CUL2: variants seen among roughly 807,000 people sequenced by gnomAD.
CUL2 encodes the protein cullin 2, also known as cullin-2.
Under a neutral mutation model 110.2 loss-of-function variants are expected in CUL2, and 22 were observed. That is an observed-to-expected ratio of 0.20 (90% CI 0.14 to 0.28). The LOEUF (loss-of-function observed/expected upper bound fraction) is 0.28. CUL2 is among the 10% of genes least tolerant of loss of function. The pLI is 1.00. For missense variants in CUL2, 631 were observed against 905.5 expected (o/e 0.70, Z 3.89); for synonymous variants, 279 against 293.2 (o/e 0.95, Z 0.49).
At chr10:35,105,320 G>A (rs1051285919) in intron 1 of CUL2, among the ~76,000 whole-genome samples, 1 of 151,896 alleles carries the variant, frequency 6.6e-6, no homozygotes, top group African/African-American at 2.4e-5. Context: ...CAGCTACTCT[G>A]GAGGCTGAGG....
chr10:35,059,786 C>A (rs1284073744), intron 4 of CUL2, among the ~76,000 whole-genome samples: 1 of 152,186 alleles, frequency 6.6e-6, no homozygotes, highest in African/African-American at 2.4e-5. Flanking sequence ...GGGTTTAAAT[C>A]CTGCCTTTGT....
chr10:35,114,906 A>G (rs1319487705), intron 1 of CUL2, among the ~76,000 whole-genome samples: 1 of 152,152 alleles, frequency 6.6e-6, no homozygotes, highest in Non-Finnish European at 1.5e-5. Context: ...CAATATAGAA[A>G]CTATCTAAAA....
At chr10:35,028,932 T>A in intron 15 of CUL2, 45 bp from the exon 16 acceptor site, 4 of 1,146,024 alleles carry the variant, frequency 3.5e-6, no homozygotes, top group Non-Finnish European at 5.0e-6. Flanking sequence ...TGGATCAACA[T>A]CTAAATTCAA....
chr10:35,099,763 T>A (rs187594154), intron 2 of CUL2, among the ~76,000 whole-genome samples: 1 of 151,866 alleles, frequency 6.6e-6, no homozygotes, highest in African/African-American at 2.4e-5. Flanking sequence ...AATAAAAAAA[T>A]AAAATAGCTT....
intron 8 of CUL2, among the ~76,000 whole-genome samples, chr10:35,040,738 G>A (rs1191038097): frequency 6.6e-6 from 1 of 152,174 alleles, no homozygotes; most frequent in African/African-American, 2.4e-5. Context: ...AGTGCGGGCG[G>A]CATTGGTGGG....
intron 17 of CUL2, among the ~76,000 whole-genome samples, chr10:35,022,397 G>A (rs2085224545): frequency 6.6e-6 from 1 of 152,100 alleles, no homozygotes; most frequent in Non-Finnish European, 1.5e-5. Context: ...ACCTTTTCTT[G>A]GGTATTCCAT....
chr10:35,072,049 C>T (rs2134993345), intron 1 of CUL2, among the ~76,000 whole-genome samples: 1 of 152,226 alleles, frequency 6.6e-6, no homozygotes, highest in South Asian at 2.1e-4. Context: ...TTGTGGTTTG[C>T]ACTCCTGAAA....
chr10:35,048,278 A>AT (rs2086003233), intron 6 of CUL2, among the ~76,000 whole-genome samples: 1 of 152,232 alleles, frequency 6.6e-6, no homozygotes, highest in Non-Finnish European at 1.5e-5. Context: ...ACAATGCTTT[A>AT]ATGGAAGCCG....
At chr10:35,117,080 A>G (rs1002439821) in intron 1 of CUL2, among the ~76,000 whole-genome samples, 6 of 148,412 alleles carry the variant, frequency 4.0e-5, no homozygotes, top group Non-Finnish European at 7.6e-5. Flanking sequence ...ATTACAGAGT[A>G]TTTTTGAATT....
intron 2 of CUL2, chr10:35,064,209 G>T (rs2086460184): frequency 6.6e-6 from 1 of 152,066 alleles, no homozygotes; most frequent in African/African-American, 2.4e-5. Flanking sequence ...ACCAAATATA[G>T]AAGATAAAGG....
intron 1 of CUL2, among the ~76,000 whole-genome samples, chr10:35,109,000 C>T (rs1379880592): frequency 3.9e-5 from 6 of 152,104 alleles, no homozygotes; most frequent in African/African-American, 1.4e-4. Context: ...ACCACCTGCG[C>T]TCAGGAGTTG....
intron 1 of CUL2, among the ~76,000 whole-genome samples, chr10:35,083,622 G>A (rs762151173): frequency 6.6e-6 from 1 of 152,114 alleles, no homozygotes; most frequent in Non-Finnish European, 1.5e-5. Context: ...AAGAGGGTGG[G>A]GGCATATCGA....
chr10:35,093,652 C>T (rs1284764521), upstream of CUL2, among the ~76,000 whole-genome samples: 1 of 105,954 alleles, frequency 9.4e-6, no homozygotes, highest in Non-Finnish European at 1.9e-5. Flanking sequence ...AAAGGCAGAC[C>T]TTCTCTCAAA....
chr10:35,041,254 A>AGAGGT (rs1487469747), intron 8 of CUL2, among the ~76,000 whole-genome samples: 1 of 152,204 alleles, frequency 6.6e-6, no homozygotes, highest in African/African-American at 2.4e-5. Flanking sequence ...TGGGTCTGAG[A>AGAGGT]GAGGTGAAGG....
At chr10:35,059,458 A>AT (rs11446830) in intron 4 of CUL2, among the ~76,000 whole-genome samples, 55,150 of 151,858 alleles carry the variant, frequency 0.36, 10,060 homozygotes, top group African/African-American at 0.4. Context: ...GATCAACAGC[A>AT]TTTTTTTTAG....
At chr10:35,095,651 C>G (rs2087286252) in intron 2 of CUL2, among the ~76,000 whole-genome samples, 1 of 152,066 alleles carries the variant, frequency 6.6e-6, no homozygotes, top group Non-Finnish European at 1.5e-5. Context: ...CTCCGCCTCC[C>G]CGGTTCAAGC....
At chr10:35,101,255 T>G (rs1474789012) in intron 1 of CUL2, among the ~76,000 whole-genome samples, 3 of 152,168 alleles carry the variant, frequency 2.0e-5, no homozygotes, top group African/African-American at 7.2e-5. Context: ...CAACAGACAT[T>G]CACCTGATGC....
In CUL2 at chr10:35,113,957, G is replaced by C. The variant is rs113563130; in HGVS notation, c.-51+12648C>G. Among the ~76,000 whole-genome samples the C allele has an allele frequency of 7.9e-5, 12 of 151,652 alleles. 1 individual carries two copies. The highest frequency in any genetic ancestry group is 2.9e-4 in the African/African-American group (12 of 41,410). ...GAGTCTCACTCTGTCGCTCAGGCTG[G>C]AGTGCAGTGGCATGATCTCAGCTCA... On this transcript the variant is annotated intron_variant, in intron 1 of 5. Coordinates refer to the CUL2 transcript ENST00000685421.
chr10:35,036,585 C>T (rs1027031484), intron 9 of CUL2, among the ~76,000 whole-genome samples: 1 of 152,210 alleles, frequency 6.6e-6, no homozygotes, highest in African/African-American at 2.4e-5. Context: ...TCAACAAGTT[C>T]CTGCTACTTC....
Sources: gnomAD v4.1 joint callset for allele counts (sites outside exome capture counted in the v4.1 genomes callset) on GRCh38, gnomAD v4.1.1 for gene constraint, MANE v1.5 for transcripts, NCBI Gene and HGNC (gene_info 2026-07-23, HGNC 2026-07-21) for gene names.